The following PPHLN1 variants were observed in gnomAD, a reference collection of about 807,000 sequenced individuals.
The protein encoded by PPHLN1 is periphilin-1.
PPHLN1 carries 29 observed loss-of-function variants against 51.3 expected under a neutral mutation model. The ratio of observed to expected loss-of-function variants is 0.57; its 90% CI spans 0.42 to 0.77. The LOEUF is 0.77. Ranked by LOEUF, PPHLN1 falls within the 30% of genes least tolerant of loss-of-function variation. The pLI is 0.00. For synonymous variants in PPHLN1, 147 were observed against 147.8 expected (o/e 0.99, Z 0.04); for missense variants, 436 against 438.4 (o/e 0.99, Z 0.05).
In PPHLN1 at chr12:42,336,089, T is replaced by G. The variant is rs7296357; in HGVS notation, c.72+115T>G. ...AAGTGTCAGAAATTTACCAGTGTAG[T>G]TTACAAAAGAGATCAAGCTTATCTT... On this transcript the variant is annotated intron_variant, in intron 2 of 9. Coordinates refer to ENST00000358314, the MANE Select transcript of PPHLN1 (RefSeq NM_201439.2). 337,149 of 558,168 alleles carry G rather than the reference T, an allele frequency of 0.6. 102,538 individuals carry two copies. Among genetic ancestry groups the G allele is most frequent in the Admixed American group, 0.7 (20,681 of 29,716 alleles). 34.6% of individuals were successfully genotyped at this position (558,168 alleles called of 1,614,324 possible).
intron 4 of PPHLN1, among the ~76,000 whole-genome samples, chr12:42,355,882 A>G (rs1023626157): frequency 6.6e-6 from 1 of 152,180 alleles, no homozygotes; most frequent in Admixed American, 6.5e-5. Context: ...TTAGAAAGTA[A>G]GGCTTTTTTT....
At chr12:42,332,803 CT>C in intron 1 of PPHLN1, 1 of 588,690 alleles carries the variant, frequency 1.7e-6, no homozygotes. Context: ...CATACTATTT[CT>C]TTAGAACTCT....
In PPHLN1 at chr12:42,393,076, CA is replaced by C. The variant is rs2077878360; in HGVS notation, c.649-488del. On this transcript the variant is annotated intron_variant, in intron 7 of 9. Coordinates refer to ENST00000358314, the MANE Select transcript of PPHLN1 (RefSeq NM_201439.2). ...TAGATAAAGGAACTAGTAGTAGGAT[CA>C]AAAAATGAAATTTAAGTTTAAAAAT... Among the ~76,000 whole-genome samples the C allele has an allele frequency of 2.0e-5, 3 of 152,012 alleles. No homozygotes were observed. In the South Asian group the frequency reaches 6.2e-4, roughly 32 times the overall value.
chr12:42,429,942 A>G (rs79320927), intron 9 of PPHLN1, among the ~76,000 whole-genome samples: 1,581 of 152,318 alleles, frequency 0.01, 29 homozygotes, highest in African/African-American at 0.036. Context: ...TGGATGTAAT[A>G]AGAAATATAT....
At chr12:42,419,091 AG>A (rs2080745169) in intron 9 of PPHLN1, among the ~76,000 whole-genome samples, 1 of 152,234 alleles carries the variant, frequency 6.6e-6, no homozygotes, top group Non-Finnish European at 1.5e-5. Flanking sequence ...GGCTTTGAGT[AG>A]GGTTACCTAG....
chr12:42,438,983 G>A (rs562481421), intron 9 of PPHLN1, among the ~76,000 whole-genome samples: 1 of 152,276 alleles, frequency 6.6e-6, no homozygotes, highest in Non-Finnish European at 1.5e-5. Context: ...TTTTCTCCGA[G>A]TCTGTAGCTT....
downstream of PPHLN1, chr12:42,443,054 C>T: frequency 4.3e-6 from 1 of 233,776 alleles, no homozygotes; most frequent in Non-Finnish European, 8.5e-6. Context: ...CGTTATGGGC[C>T]TTAGTTAAGG....
chr12:42,365,464 C>T lies in PPHLN1; in HGVS notation c.300-9399C>T, dbSNP rs1247853469. ...CACTTTGTCGAATTTTACTCATAAC[C>T]GGTGAACATATGTCTGCTGACACTG... On this transcript the variant is annotated intron_variant, in intron 4 of 9. Coordinates refer to ENST00000358314, the MANE Select transcript of PPHLN1 (RefSeq NM_201439.2). Among the ~76,000 whole-genome samples, 3 of 152,112 alleles carry T rather than the reference C, an allele frequency of 2.0e-5. No individual in the cohort carries two copies. In the East Asian group the frequency reaches 5.8e-4, roughly 29 times the overall value.
chr12:42,442,790 A>G (rs1159353037), downstream of PPHLN1: 6 of 1,610,978 alleles, frequency 3.7e-6, no homozygotes, highest in Non-Finnish European at 2.5e-6. Flanking sequence ...GGGAATTCTC[A>G]AGCTAGGGTT....
At chr12:42,418,400 T>C (rs2080665583) in intron 9 of PPHLN1, among the ~76,000 whole-genome samples, 1 of 152,108 alleles carries the variant, frequency 6.6e-6, no homozygotes, top group Non-Finnish European at 1.5e-5. Flanking sequence ...TGTAAACGTG[T>C]TAAATGCAAT....
intron 2 of PPHLN1, among the ~76,000 whole-genome samples, chr12:42,341,707 C>G (rs764112297): frequency 2.0e-5 from 3 of 152,052 alleles, no homozygotes; most frequent in Admixed American, 6.6e-5. Context: ...CTGCAAGCTC[C>G]GCCTCCCGGG....
intron 9 of PPHLN1, chr12:42,399,221 G>T: frequency 8.7e-7 from 1 of 1,144,146 alleles, no homozygotes; most frequent in Non-Finnish European, 1.1e-6. Flanking sequence ...CTTTTTTACA[G>T]AATATTAATA....
chr12:42,421,381 C>T (rs528548072), intron 9 of PPHLN1, among the ~76,000 whole-genome samples: 2 of 152,084 alleles, frequency 1.3e-5, no homozygotes, highest in Non-Finnish European at 2.9e-5. Context: ...GAGTTTTGCT[C>T]TGTTGCCCAG....
chr12:42,365,500 C>T (rs2075174268), intron 4 of PPHLN1, among the ~76,000 whole-genome samples: 1 of 152,148 alleles, frequency 6.6e-6, no homozygotes, highest in African/African-American at 2.4e-5. Context: ...AGGGTTCTAT[C>T]ACCGCTTACC....
chr12:42,404,755 T>C (rs533590244), intron 9 of PPHLN1, among the ~76,000 whole-genome samples: 1 of 151,764 alleles, frequency 6.6e-6, no homozygotes, highest in South Asian at 2.1e-4. Context: ...TGCAGCCGGG[T>C]ATGGTGGCTC....
intron 5 of PPHLN1, 46 bp downstream of exon 5, chr12:42,375,120 A>G (rs1466127327): frequency 7.2e-7 from 1 of 1,388,894 alleles, no homozygotes; most frequent in Non-Finnish European, 9.9e-7. Context: ...GTCTCCTCTG[A>G]TGAGAATGTA....
At chr12:42,358,324 T>G (rs1423922611) in intron 4 of PPHLN1, among the ~76,000 whole-genome samples, 1 of 152,152 alleles carries the variant, frequency 6.6e-6, no homozygotes, top group Non-Finnish European at 1.5e-5. Context: ...TGATAACATC[T>G]TGGTATAAGT....
At position 42,326,585 on chromosome 12, in the gene PPHLN1, ATGTTT is replaced by A. The variant is rs1197244331; in HGVS notation, c.-21+373_-21+377del. 1.2e-4 allele frequency among the ~76,000 whole-genome samples: 19 copies of A among 152,152 alleles called. No individual in the cohort carries two copies. In the South Asian group the frequency reaches 2.3e-3, roughly 18 times the overall value. On this transcript the variant is annotated intron_variant, in intron 1 of 9. Coordinates refer to ENST00000358314, the MANE Select transcript of PPHLN1 (RefSeq NM_201439.2). ...GAACTACAAAATAAACAGACCTTTT[ATGTTT>A]TGTTTTGTTTTGTTTTCTGGTGAAG...
At chr12:42,364,231 A>C (rs1447416654) in intron 4 of PPHLN1, among the ~76,000 whole-genome samples, 1 of 152,164 alleles carries the variant, frequency 6.6e-6, no homozygotes, top group Non-Finnish European at 1.5e-5. Flanking sequence ...TCTCAAAATA[A>C]AATAATAATA....
Sources: gnomAD v4.1 joint callset for allele counts (sites outside exome capture counted in the v4.1 genomes callset) on GRCh38, gnomAD v4.1.1 for gene constraint, MANE v1.5 for transcripts, NCBI Gene and HGNC (gene_info 2026-07-23, HGNC 2026-07-21) for gene names.